The following NBAS variants were observed in gnomAD, a reference collection of about 807,000 sequenced individuals.
The protein encoded by NBAS is NAG/BC035112 fusion.
In NBAS, 219 loss-of-function variants were observed where a neutral mutation model predicts 302.5. The observed-to-expected ratio is 0.72, with a 90% CI of 0.65 to 0.81. The LOEUF (loss-of-function observed/expected upper bound fraction) is 0.81. NBAS is among the 30% of genes least tolerant of loss of function. NBAS has a pLI of 0.00. For missense variants in NBAS, 2,932 were observed against 2,841.6 expected, an observed-to-expected ratio of 1.03 and a Z score of -0.72; for synonymous variants, 1,118 against 1,021.6, an observed-to-expected ratio of 1.09 and a Z score of -1.80.
At chr2:14,877,835 A>G in the NBAS span, among the ~76,000 whole-genome samples, 2 of 152,122 alleles carry the variant, frequency 1.3e-5, no homozygotes, top group African/African-American at 4.8e-5. Flanking sequence ...GACTCTTTTT[A>G]TATGCTATAA....
downstream of NBAS, among the ~76,000 whole-genome samples, chr2:15,162,754 C>T (rs984564829): frequency 4.6e-5 from 7 of 152,170 alleles, no homozygotes; most frequent in Non-Finnish European, 7.3e-5. Flanking sequence ...CTGGAACACC[C>T]ATTAGTTCAT....
At chr2:15,042,303 C>T in the NBAS span, among the ~76,000 whole-genome samples, 1 of 152,190 alleles carries the variant, frequency 6.6e-6, no homozygotes, top group African/African-American at 2.4e-5. Flanking sequence ...ACGTCATGTG[C>T]TGGCTTGGAG....
At chr2:15,305,972 G>A (rs1671018261) in intron 40 of NBAS, among the ~76,000 whole-genome samples, 1 of 152,174 alleles carries the variant, frequency 6.6e-6, no homozygotes, top group South Asian at 2.1e-4. Flanking sequence ...CTGACCTTTA[G>A]GGGGAAAAAA....
chr2:15,520,385 G>C (rs769285078), intron 9 of NBAS, among the ~76,000 whole-genome samples: 2 of 152,062 alleles, frequency 1.3e-5, no homozygotes, highest in Non-Finnish European at 2.9e-5. Flanking sequence ...AAATATGAAA[G>C]ACAGAGCAAG....
At chr2:15,333,527 C>G (rs1672443846) in intron 35 of NBAS, among the ~76,000 whole-genome samples, 1 of 151,994 alleles carries the variant, frequency 6.6e-6, no homozygotes, top group Admixed American at 6.6e-5. Flanking sequence ...TGCCTCAGTC[C>G]CAGCTTAAAA....
the NBAS span, among the ~76,000 whole-genome samples, chr2:14,882,899 G>T: frequency 2.0e-5 from 3 of 152,136 alleles, no homozygotes; most frequent in African/African-American, 4.8e-5. Context: ...TCATATCAGT[G>T]TTGTCTGTTT....
At chr2:14,841,796 CA>C in the NBAS span, among the ~76,000 whole-genome samples, 1 of 151,836 alleles carries the variant, frequency 6.6e-6, no homozygotes, top group Non-Finnish European at 1.5e-5. Flanking sequence ...GAAAGAAAAT[CA>C]ACACAGAAAC....
At chr2:14,781,716 T>C in the NBAS span, among the ~76,000 whole-genome samples, 3 of 147,652 alleles carry the variant, frequency 2.0e-5, no homozygotes, top group Admixed American at 6.8e-5. Flanking sequence ...CACTCTCATG[T>C]TAAGGATCTA....
At chr2:15,069,139 G>A in the NBAS span, among the ~76,000 whole-genome samples, 194 of 152,288 alleles carry the variant, frequency 1.3e-3, no homozygotes, top group Non-Finnish European at 2.3e-3. Context: ...CCACCTTTCC[G>A]TGCTACCACA....
intron 51 of NBAS, among the ~76,000 whole-genome samples, chr2:15,170,815 C>A (rs935180455): frequency 6.6e-6 from 1 of 152,152 alleles, no homozygotes; most frequent in African/African-American, 2.4e-5. Context: ...TTTAAAGAGT[C>A]GTCTGAGGTT....
chr2:15,234,770 A>G lies in NBAS; in HGVS notation c.5944-23T>C, dbSNP rs368428796. 6.2e-6 allele frequency: 10 copies of G among 1,606,686 alleles called. No homozygotes were observed. The African/African-American group carries it at 1.2e-4, about 19-fold the overall frequency. ...TTCCTGTAAAGACATGGTAATCAGC[A>G]CTTAAGTATCAAATAGAAATTAAAT... On this transcript the variant is annotated intron_variant, in intron 45 of 51. Coordinates refer to ENST00000281513, the MANE Select transcript of NBAS (RefSeq NM_015909.4).
the NBAS span, among the ~76,000 whole-genome samples, chr2:15,053,669 G>A: frequency 6.6e-6 from 1 of 151,938 alleles, no homozygotes. Context: ...GGGGATCTCG[G>A]GGTCCAGTTA....
intron 6 of NBAS, among the ~76,000 whole-genome samples, chr2:15,542,628 A>AAAAT (rs1287711966): frequency 4.0e-5 from 6 of 151,586 alleles, no homozygotes; most frequent in South Asian, 2.1e-4. Flanking sequence ...GATCAATAAA[A>AAAAT]AAATAAATAA....
At chr2:15,550,128 A>C (rs568887903) in intron 6 of NBAS, among the ~76,000 whole-genome samples, 1,881 of 152,242 alleles carry the variant, frequency 0.012, 27 homozygotes, top group Middle Eastern at 0.02. Flanking sequence ...ACACCACTGC[A>C]CTCCGGCCTG....
chr2:14,991,566 T>A, the NBAS span, among the ~76,000 whole-genome samples: 1 of 152,172 alleles, frequency 6.6e-6, no homozygotes, highest in Non-Finnish European at 1.5e-5. Context: ...CCGGGAGAGC[T>A]GTTACAACTT....
the NBAS span, among the ~76,000 whole-genome samples, chr2:15,053,158 T>C: frequency 6.6e-6 from 1 of 152,214 alleles, no homozygotes; most frequent in African/African-American, 2.4e-5. Context: ...TTTATAAGCA[T>C]GATTAAAATG....
the NBAS span, among the ~76,000 whole-genome samples, chr2:15,085,898 G>A: frequency 6.6e-6 from 1 of 152,178 alleles, no homozygotes; most frequent in Admixed American, 6.5e-5. Context: ...GGGGTAATCT[G>A]AGGAGGTGCT....
the NBAS span, among the ~76,000 whole-genome samples, chr2:14,883,272 T>C: frequency 6.6e-6 from 1 of 152,222 alleles, no homozygotes; most frequent in African/African-American, 2.4e-5. Flanking sequence ...CATCTTCATA[T>C]ATTTCTAACT....
At chr2:14,880,934 C>A in the NBAS span, among the ~76,000 whole-genome samples, 35 of 140,640 alleles carry the variant, frequency 2.5e-4, no homozygotes, top group African/African-American at 3.8e-4. Flanking sequence ...TCCAGGATAG[C>A]AAAAAAAAAA....
Sources: allele counts gnomAD v4.1 joint callset (sites outside exome capture counted in the v4.1 genomes callset), GRCh38; gene constraint gnomAD v4.1.1; transcripts MANE v1.5; gene names NCBI Gene and HGNC (gene_info 2026-07-23, HGNC 2026-07-21).